TRPM2: variants seen among roughly 807,000 people sequenced by gnomAD.
The protein encoded by TRPM2 is transient receptor potential cation channel subfamily M member 2, also known as estrogen-responsive element-associated gene 1 protein.
TRPM2 carries 161 observed loss-of-function variants against 174.0 expected under a neutral mutation model. The ratio of observed to expected loss-of-function variants is 0.93; its 90% confidence interval spans 0.81 to 1.05. The LOEUF (loss-of-function observed/expected upper bound fraction) is 1.05, where lower values mean the gene tolerates loss of function less well. Ranked by LOEUF, TRPM2 falls within the 50% of genes least tolerant of loss-of-function variation. The probability of loss-of-function intolerance (pLI) is 0.00; values close to 1 mark genes in which losing one functional copy is unlikely to be tolerated. For missense variants in TRPM2, 2,057 were observed against 2,038.0 expected (o/e 1.01, Z -0.18); for synonymous variants, 954 against 861.3 (o/e 1.11, Z -1.88).
intron 8 of TRPM2, among the ~76,000 whole-genome samples, chr21:44,381,101 G>C (rs573229512): frequency 2.0e-5 from 3 of 152,092 alleles, no homozygotes; most frequent in African/African-American, 7.2e-5. Flanking sequence ...GAGGGATGGG[G>C]CACCGTTGGG....
chr21:44,400,379 A>AGGGCTGCGGGGCTGCGGGACTGTG lies in TRPM2; in HGVS notation c.2321+28_2321+51dup, dbSNP rs778185559. 1.9e-6 allele frequency: 3 copies of AGGGCTGCGGGGCTGCGGGACTGTG among 1,607,268 alleles called. No homozygotes were observed. Among genetic ancestry groups the AGGGCTGCGGGGCTGCGGGACTGTG allele is most frequent in the Non-Finnish European group, 2.5e-6 (3 of 1,178,576 alleles). On this transcript the variant is annotated intron_variant, in intron 15 of 31. Coordinates refer to ENST00000397928, the MANE Select transcript of TRPM2 (RefSeq NM_003307.4). ...CGGCCTCATCTCCTTCAGGTGCTGCAGGGCTGCGGGGCTGCGGGACTGTGG... is the reference window on the plus strand; with the variant it reads ...CGGCCTCATCTCCTTCAGGTGCTGCAGGGCTGCGGGGCTGCGGGACTGTGGGGCTGCGGGGCTGCGGGACTGTGG...
intron 20 of TRPM2, 89 bp downstream of exon 20, chr21:44,414,163 G>T: frequency 6.7e-7 from 1 of 1,495,432 alleles, no homozygotes; most frequent in Non-Finnish European, 9.1e-7. Context: ...GGGTCTCGTG[G>T]ACAGTGTGGA....
chr21:44,371,894 A>C (rs1422324200), intron 5 of TRPM2, among the ~76,000 whole-genome samples: 1 of 152,124 alleles, frequency 6.6e-6, no homozygotes, highest in African/African-American at 2.4e-5. Flanking sequence ...GCACATTGGG[A>C]GGCTGAGATG....
chr21:44,368,843 C>T lies in TRPM2; in HGVS notation c.605-334C>T, dbSNP rs564317726. Reference sequence around the variant, plus strand: ...GCTGAGTGTTGGGAGCGAGGAAGCACTCTGCCGCACCTGGGTCCTGAAAGC... The same window carrying T: ...GCTGAGTGTTGGGAGCGAGGAAGCATTCTGCCGCACCTGGGTCCTGAAAGC... On this transcript the variant is annotated intron_variant, in intron 4 of 31. Coordinates refer to ENST00000397928, the MANE Select transcript of TRPM2 (RefSeq NM_003307.4). Among the ~76,000 whole-genome samples, 32 of 152,286 alleles carry T rather than the reference C, an allele frequency of 2.1e-4. No individual in the cohort carries two copies. The East Asian group carries it at 5.6e-3, about 27-fold the overall frequency.
In TRPM2 at chr21:44,395,379, C is replaced by A. The variant is rs775892895; in HGVS notation, c.1795-35C>A. Reference sequence around the variant, plus strand: ...CCGCCAGTGACTCTGAGCCAGGCGGCCCGGCTGGGGCTCTGACAGTTCACT... The same window carrying A: ...CCGCCAGTGACTCTGAGCCAGGCGGACCGGCTGGGGCTCTGACAGTTCACT... On this transcript the variant is annotated intron_variant, in intron 11 of 31. Transcript: ENST00000397928. 30 of 1,607,182 alleles carry A rather than the reference C, an allele frequency of 1.9e-5. No homozygotes were observed. The East Asian group carries it at 6.7e-4, about 36-fold the overall frequency.
intron 11 of TRPM2, among the ~76,000 whole-genome samples, chr21:44,394,751 G>T (rs547568419): frequency 6.6e-6 from 1 of 152,200 alleles, no homozygotes; most frequent in Non-Finnish European, 1.5e-5. Context: ...TGTGGTTTAG[G>T]AAGAAAAACA....
In TRPM2 at chr21:44,391,002, T is replaced by G; in HGVS notation, c.1417T>G (p.Phe473Val). ...NRVDIARSEI[F>V]MDEWQWKPSD... ...CGTGGACATTGCCCGCAGTGAGATC[T>G]TCATGGATGAGTGGCAGTGGAAGGT... is the stretch of plus-strand genomic sequence containing the variant. Residue 473 changes from phenylalanine (F) to valine (V), a missense_variant, in exon 10 of 32, where the codon TTC (phenylalanine) becomes GTC (valine). Physicochemically the swap from Phe to Val is conservative, Grantham distance 50. Transcript: ENST00000397928. This position sits in a 1 kb window ranked among gnomAD's most constrained non-coding sequence, Gnocchi z 5.0. 1 of 1,614,060 alleles carries G rather than the reference T, an allele frequency of 6.2e-7. No homozygotes were observed. Among genetic ancestry groups the G allele is most frequent in the Non-Finnish European group, 8.5e-7 (1 of 1,180,022 alleles).
chr21:44,428,079 G>A (rs529586752), intron 27 of TRPM2, among the ~76,000 whole-genome samples: 1 of 152,260 alleles, frequency 6.6e-6, no homozygotes, highest in Admixed American at 6.5e-5. Flanking sequence ...GTCCATGCGG[G>A]CTTTAGTAGT....
chr21:44,373,438 C>A (rs554798790), intron 5 of TRPM2, among the ~76,000 whole-genome samples: 1 of 152,184 alleles, frequency 6.6e-6, no homozygotes, highest in Non-Finnish European at 1.5e-5. Flanking sequence ...CCGCCCGCCT[C>A]GGCCCCCCAA....
At chr21:44,404,744 TAGTGAC>T (rs1470046650) in intron 16 of TRPM2, among the ~76,000 whole-genome samples, 2 of 151,632 alleles carry the variant, frequency 1.3e-5, no homozygotes, top group East Asian at 3.9e-4. Flanking sequence ...ATAGTGATGA[TAGTGAC>T]AGTGATAGTG....
At chr21:44,405,109 T>C (rs372301852) in intron 16 of TRPM2, 33 bp from the exon 17 acceptor site, 2 of 1,610,276 alleles carry the variant, frequency 1.2e-6, no homozygotes, top group African/African-American at 1.3e-5. Flanking sequence ...AGTGACAACC[T>C]GTCTGCCTTC....
At chr21:44,374,972 G>A (rs559770821) in intron 5 of TRPM2, among the ~76,000 whole-genome samples, 4 of 152,310 alleles carry the variant, frequency 2.6e-5, no homozygotes, top group African/African-American at 9.6e-5. Context: ...CCAGGCTGGA[G>A]TATGTTGGTG....
At chr21:44,358,368 G>A (rs1363587990) in intron 2 of TRPM2, among the ~76,000 whole-genome samples, 1 of 142,548 alleles carries the variant, frequency 7.0e-6, no homozygotes, top group Non-Finnish European at 1.5e-5. Flanking sequence ...GTGGGGGTGG[G>A]GAGGCAGGGA....
At position 44,373,551 on chromosome 21, in the gene TRPM2, GCGACCTGCATTA is replaced by G. The variant is rs1569029708; in HGVS notation, c.772-2281_772-2270del. Among the ~76,000 whole-genome samples the G allele has an allele frequency of 3.7e-3, 377 of 102,144 alleles. 2 individuals carry two copies. The highest frequency in any genetic ancestry group is 0.011 in the African/African-American group (355 of 31,308). The allele number at this position is 102,144 out of a possible 152,430, so 67.0% of individuals were successfully genotyped here. A position where few individuals can be genotyped will look rare whatever the true frequency, so the allele number is the denominator to read the frequency against. On this transcript the variant is annotated intron_variant, in intron 5 of 31. Transcript: ENST00000397928. ...TCTCTTTTCATTTTCTGCATTATAT[GCGACCTGCATTA>G]TATGCGACCTGCATTATATGCGACC...
intron 26 of TRPM2, 111 bp from the exon 27 acceptor site, chr21:44,426,899 C>T: frequency 7.4e-7 from 1 of 1,348,600 alleles, no homozygotes; most frequent in East Asian, 2.5e-5. Flanking sequence ...TGTGTACACC[C>T]AGCCTGCAGC....
intron 27 of TRPM2, among the ~76,000 whole-genome samples, chr21:44,430,774 G>A (rs767079565): frequency 2.2e-4 from 33 of 151,980 alleles, no homozygotes; most frequent in African/African-American, 7.0e-4. Context: ...ATGATTTTTC[G>A]AATCTTATTT....
At chr21:44,377,881 A>G in intron 7 of TRPM2, 108 bp downstream of exon 7, 1 of 1,260,858 alleles carries the variant, frequency 7.9e-7, no homozygotes. Flanking sequence ...CAAGAGGGCG[A>G]TGAGCTTTCC....
At chr21:44,426,247 C>T (rs142430089) in intron 25 of TRPM2, among the ~76,000 whole-genome samples, 1 of 152,052 alleles carries the variant, frequency 6.6e-6, no homozygotes, top group Non-Finnish European at 1.5e-5. Flanking sequence ...TGGCTAATGG[C>T]CCCTGGGAGA....
intron 7 of TRPM2, among the ~76,000 whole-genome samples, chr21:44,378,725 G>C (rs746635949): frequency 1.3e-5 from 2 of 152,198 alleles, no homozygotes; most frequent in Non-Finnish European, 2.9e-5. Flanking sequence ...AGGCCCTCAC[G>C]TCTGCAGGTC....
Sources: allele counts gnomAD v4.1 joint callset (sites outside exome capture counted in the v4.1 genomes callset), GRCh38; gene constraint gnomAD v4.1.1; non-coding constraint Gnocchi (gnomAD v3.1); transcripts MANE v1.5; gene names NCBI Gene and HGNC (gene_info 2026-07-23, HGNC 2026-07-21).